CFAP251: variants seen among roughly 807,000 people sequenced by gnomAD.
The protein encoded by CFAP251 is cilia and flagella associated protein 251, also known as cilia- and flagella-associated protein 251.
CFAP251 carries 93 observed loss-of-function variants against 126.7 expected under a neutral mutation model. The observed-to-expected ratio is 0.73, with a 90% CI of 0.62 to 0.87. The LOEUF (loss-of-function observed/expected upper bound fraction) is 0.87. Ranked by LOEUF, CFAP251 falls within the 40% of genes least tolerant of loss-of-function variation. CFAP251 has a pLI of 0.00. For synonymous variants in CFAP251, 503 were observed against 506.9 expected, an observed-to-expected ratio of 0.99 and a Z score of 0.10; for missense variants, 1,287 against 1,389.2, an observed-to-expected ratio of 0.93 and a Z score of 1.17.
chr12:121,941,802 C>T (rs1021109230), intron 5 of CFAP251, among the ~76,000 whole-genome samples: 1 of 152,102 alleles, frequency 6.6e-6, no homozygotes, highest in Non-Finnish European at 1.5e-5. Context: ...AGGAAAAAGT[C>T]GTAAGGGTGG....
intron 3 of CFAP251, 57 bp downstream of exon 3, chr12:121,924,047 G>T: frequency 6.6e-7 from 1 of 1,508,460 alleles, no homozygotes; most frequent in Non-Finnish European, 8.9e-7. Flanking sequence ...GCGCAATAGG[G>T]GAATTTTATG....
intron 5 of CFAP251, among the ~76,000 whole-genome samples, chr12:121,941,603 G>A (rs987724609): frequency 2.0e-5 from 3 of 151,950 alleles, no homozygotes; most frequent in African/African-American, 7.3e-5. Context: ...CAAAGTGCTG[G>A]GATTACCAGT....
At chr12:121,947,739 C>A (rs1284042110) in intron 7 of CFAP251, 1 of 152,192 alleles carries the variant, frequency 6.6e-6, no homozygotes, top group Non-Finnish European at 1.5e-5. Context: ...GAGTGGTCAG[C>A]TTAATCTAAT....
chr12:121,920,811 C>T (rs192222029), intron 1 of CFAP251, among the ~76,000 whole-genome samples: 1 of 152,184 alleles, frequency 6.6e-6, no homozygotes, highest in East Asian at 1.9e-4. Flanking sequence ...GGATTACAGG[C>T]GTGAGCCACT....
intron 21 of CFAP251, chr12:122,001,917 T>C (rs1346561818): frequency 2.2e-5 from 8 of 364,704 alleles, no homozygotes; most frequent in African/African-American, 4.1e-5. Context: ...TTCAGGAGAA[T>C]AGGTATGTAA....
At chr12:121,971,711 T>C in intron 17 of CFAP251, 2 of 683,486 alleles carry the variant, frequency 2.9e-6, no homozygotes, top group East Asian at 2.7e-5. Flanking sequence ...TTAACAAACA[T>C]TCATTACAGG....
chr12:121,954,368 T>C, intron 10 of CFAP251, 34 bp downstream of exon 10: 1 of 1,542,670 alleles, frequency 6.5e-7, no homozygotes, highest in Non-Finnish European at 8.8e-7. Flanking sequence ...TAACTATGGA[T>C]AATTATAAAA....
intron 3 of CFAP251, among the ~76,000 whole-genome samples, chr12:121,930,108 T>C (rs1880620179): frequency 6.6e-6 from 1 of 152,244 alleles, no homozygotes; most frequent in Non-Finnish European, 1.5e-5. Flanking sequence ...TCCATACCTT[T>C]TTGTGGCTTG....
At chr12:121,969,120 G>A (rs888549837) in intron 17 of CFAP251, 15 of 985,220 alleles carry the variant, frequency 1.5e-5, no homozygotes, top group Admixed American at 6.2e-5. Flanking sequence ...TTCCTTCCTC[G>A]GAAAACAAAC....
At chr12:122,001,439 T>TG (rs1883147202) in intron 20 of CFAP251, 58 bp from the exon 21 acceptor site, 8 of 1,366,856 alleles carry the variant, frequency 5.9e-6, no homozygotes, top group Non-Finnish European at 4.2e-6. Context: ...CGCTAAGCCC[T>TG]GACAGTATGC....
At chr12:121,991,060 G>A (rs1046035010) in intron 19 of CFAP251, among the ~76,000 whole-genome samples, 1 of 152,214 alleles carries the variant, frequency 6.6e-6, no homozygotes, top group Admixed American at 6.5e-5. Flanking sequence ...AGTAAATCGA[G>A]TAAAATTAAC....
At chr12:121,983,096 G>A (rs112756676) in intron 19 of CFAP251, among the ~76,000 whole-genome samples, 11 of 152,238 alleles carry the variant, frequency 7.2e-5, no homozygotes, top group East Asian at 1.9e-4. Context: ...GTGTGGTGGC[G>A]TGCACTTGTA....
At chr12:122,001,055 C>CTTT (rs1177422104) in intron 20 of CFAP251, among the ~76,000 whole-genome samples, 8 of 117,406 alleles carry the variant, frequency 6.8e-5, no homozygotes, top group South Asian at 3.1e-4. Flanking sequence ...GTTTTTGTTG[C>CTTT]TTTTTTTTTT....
chr12:121,965,870 A>C (rs1882103273), intron 15 of CFAP251, among the ~76,000 whole-genome samples: 1 of 141,746 alleles, frequency 7.1e-6, no homozygotes, highest in Admixed American at 7.4e-5. Context: ...CCCAGGCTGG[A>C]GTGCAGTGGC....
intron 2 of CFAP251, among the ~76,000 whole-genome samples, chr12:121,923,151 T>A (rs946012428): frequency 4.1e-5 from 6 of 146,154 alleles, no homozygotes; most frequent in Non-Finnish European, 7.5e-5. Flanking sequence ...TTCCTGTCCC[T>A]TCTTCTCTCC....
At chr12:121,961,907 G>T in intron 14 of CFAP251, 71 bp from the exon 15 acceptor site, 1 of 1,484,012 alleles carries the variant, frequency 6.7e-7, no homozygotes, top group Admixed American at 2.0e-5. Context: ...TCACCCAAGA[G>T]CTTGGGGTTC....
intron 19 of CFAP251, among the ~76,000 whole-genome samples, chr12:121,977,125 C>T (rs979639808): frequency 3.3e-5 from 5 of 152,158 alleles, no homozygotes; most frequent in African/African-American, 7.2e-5. Context: ...GCCTACTACA[C>T]GCCTGGGCCG....
rs543914226 is a variant in CFAP251, at chr12:121,975,696, C to A, written c.3006+11C>A. 3 of 1,547,624 alleles carry A rather than the reference C, an allele frequency of 1.9e-6. No homozygotes were observed. Among genetic ancestry groups the A allele is most frequent in the African/African-American group, 1.4e-5 (1 of 71,816 alleles). On this transcript the variant is annotated intron_variant, in intron 19 of 21. Transcript: ENST00000288912. Reference sequence around the variant, plus strand: ...CCATCTGAAGAGAAGGTAGGGAGAACGAAAACAAGAGCAGCAACGGGATGT... The same window carrying A: ...CCATCTGAAGAGAAGGTAGGGAGAAAGAAAACAAGAGCAGCAACGGGATGT...
At chr12:121,996,736 T>C (rs1179500142) in intron 19 of CFAP251, 1 of 151,584 alleles carries the variant, frequency 6.6e-6, no homozygotes, top group Non-Finnish European at 1.5e-5. Flanking sequence ...TCTGTAGGAG[T>C]TGGCAGTAGT....
Sources: allele counts gnomAD v4.1 joint callset (sites outside exome capture counted in the v4.1 genomes callset), GRCh38; gene constraint gnomAD v4.1.1; transcripts MANE v1.5; gene names NCBI Gene and HGNC (gene_info 2026-07-23, HGNC 2026-07-21).